The following CDC27 variants were observed in gnomAD, a reference collection of about 807,000 sequenced individuals.
The protein encoded by CDC27 is cell division cycle 27.
CDC27 carries 27 observed loss-of-function variants against 109.7 expected under a neutral mutation model. The ratio of observed to expected loss-of-function variants is 0.25; its 90% CI spans 0.18 to 0.34. The LOEUF (loss-of-function observed/expected upper bound fraction) is 0.34, where lower values mean the gene tolerates loss of function less well. CDC27 is among the 10% of genes least tolerant of loss of function. The probability of loss-of-function intolerance (pLI) is 1.00; values close to 1 mark genes in which losing one functional copy is unlikely to be tolerated. For synonymous variants in CDC27, 266 were observed against 333.9 expected (o/e 0.80, Z 2.22); for missense variants, 579 against 960.2 (o/e 0.60, Z 5.25).
chr17:47,134,322 T>A (rs954037924), intron 14 of CDC27, among the ~76,000 whole-genome samples: 7 of 144,700 alleles, frequency 4.8e-5, no homozygotes, highest in South Asian at 2.2e-4. Context: ...TTTTTTTTTT[T>A]AATTCAACGT....
At chr17:47,185,933 G>A (rs909947834) in intron 1 of CDC27, among the ~76,000 whole-genome samples, 1 of 152,130 alleles carries the variant, frequency 6.6e-6, no homozygotes, top group Non-Finnish European at 1.5e-5. Context: ...GGTATTTTTG[G>A]TTGTCACAAA....
At chr17:47,133,026 T>TATATATATAC (rs1555783848) in intron 14 of CDC27, among the ~76,000 whole-genome samples, 2 of 32,352 alleles carry the variant, frequency 6.2e-5, no homozygotes, top group Non-Finnish European at 1.2e-4. Flanking sequence ...TATATATATA[T>TATATATATAC]ATACACACAC....
At chr17:47,128,918 CCTG>C (rs1316935699) in intron 16 of CDC27, among the ~76,000 whole-genome samples, 1 of 152,024 alleles carries the variant, frequency 6.6e-6, no homozygotes, top group Non-Finnish European at 1.5e-5. Flanking sequence ...CTTACAGGCA[CCTG>C]CCACCATGCC....
At chr17:47,175,456 G>C (rs897627155) in intron 2 of CDC27, among the ~76,000 whole-genome samples, 1 of 152,134 alleles carries the variant, frequency 6.6e-6, no homozygotes, top group Admixed American at 6.5e-5. Context: ...CATGAACTCT[G>C]ATGTTGTGTG....
At chr17:47,185,740 TA>T (rs1416152509) in intron 1 of CDC27, among the ~76,000 whole-genome samples, 5 of 152,088 alleles carry the variant, frequency 3.3e-5, no homozygotes, top group Non-Finnish European at 5.9e-5. Flanking sequence ...AAATGGATAA[TA>T]AAGGCTTCAG....
intron 2 of CDC27, among the ~76,000 whole-genome samples, chr17:47,179,278 A>C (rs1374958768): frequency 6.6e-6 from 1 of 152,200 alleles, no homozygotes; most frequent in Non-Finnish European, 1.5e-5. Flanking sequence ...GCTACTAGTG[A>C]CATAGGAGGC....
intron 14 of CDC27, among the ~76,000 whole-genome samples, chr17:47,133,078 CACACACAA>C (rs1166965181): frequency 4.0e-5 from 3 of 74,104 alleles, no homozygotes; most frequent in South Asian, 4.7e-4. Flanking sequence ...CACACACACA[CACACACAA>C]ACACACACAC....
chr17:47,142,985 T>G (rs975858220), intron 10 of CDC27, among the ~76,000 whole-genome samples: 2 of 151,862 alleles, frequency 1.3e-5, no homozygotes, highest in African/African-American at 4.8e-5. Flanking sequence ...CTTTGTTTTG[T>G]TTTTGGGACA....
chr17:47,164,408 T>G (rs185350357), intron 4 of CDC27, among the ~76,000 whole-genome samples: 1 of 152,342 alleles, frequency 6.6e-6, no homozygotes, highest in African/African-American at 2.4e-5. Context: ...TAGACTTACA[T>G]AGAACTTGCA....
intron 15 of CDC27, 36 bp downstream of exon 15, chr17:47,132,221 G>C: frequency 1.1e-6 from 1 of 929,080 alleles, no homozygotes; most frequent in Non-Finnish European, 1.7e-6. Flanking sequence ...TCAAAAGGGA[G>C]ATTAATAGAG....
chr17:47,127,830 G>A (rs2062194035), intron 16 of CDC27, among the ~76,000 whole-genome samples: 1 of 151,710 alleles, frequency 6.6e-6, no homozygotes, highest in Non-Finnish European at 1.5e-5. Flanking sequence ...AGCTTCCTGA[G>A]TAGCTGAGAG....
At chr17:47,171,872 C>T in intron 3 of CDC27, 45 bp downstream of exon 3, 2 of 1,348,862 alleles carry the variant, frequency 1.5e-6, no homozygotes, top group South Asian at 1.4e-5. Context: ...CAAAATTCAA[C>T]AGTGTAAGTA....
At chr17:47,164,204 A>G (rs1431867320) in intron 4 of CDC27, among the ~76,000 whole-genome samples, 2 of 152,206 alleles carry the variant, frequency 1.3e-5, no homozygotes, top group Non-Finnish European at 2.9e-5. Context: ...GCAATAGGTT[A>G]TACAATATAG....
At chr17:47,156,679 C>T (rs1215179314) in intron 7 of CDC27, 1 of 296,948 alleles carries the variant, frequency 3.4e-6, no homozygotes, top group Non-Finnish European at 6.2e-6. Flanking sequence ...AACTCCTGAC[C>T]TCAGGTGATC....
At chr17:47,145,833 G>A (rs2062942387) in intron 9 of CDC27, among the ~76,000 whole-genome samples, 1 of 151,940 alleles carries the variant, frequency 6.6e-6, no homozygotes, top group Admixed American at 6.6e-5. Context: ...GGAGGTGGAG[G>A]TTGCAGTGAG....
chr17:47,134,103 T>C (rs1486091943), intron 14 of CDC27, among the ~76,000 whole-genome samples: 1 of 152,002 alleles, frequency 6.6e-6, no homozygotes, highest in Non-Finnish European at 1.5e-5. Flanking sequence ...CTCACTATGT[T>C]GACCAAGCTG....
Position 47,134,623 on chromosome 17 carries a change from G to C in CDC27, c.1914-2249C>G, listed in dbSNP as rs148470613. Among the ~76,000 whole-genome samples the C allele has an allele frequency of 2.5e-3, 375 of 151,950 alleles. 3 individuals are homozygous for C. Among genetic ancestry groups the C allele is most frequent in the Admixed American group, 9.4e-3 (143 of 15,238 alleles). Reference sequence around the variant, plus strand: ...CCCAAGCAGCTGGGACTACAGGCACGCATCACCACACCCAGCTAATTTTTG... The same window carrying C: ...CCCAAGCAGCTGGGACTACAGGCACCCATCACCACACCCAGCTAATTTTTG... On this transcript the variant is annotated intron_variant, in intron 14 of 18. Coordinates refer to ENST00000066544, the MANE Select transcript of CDC27 (RefSeq NM_001256.6).
intron 2 of CDC27, among the ~76,000 whole-genome samples, chr17:47,175,180 C>A (rs1357903939): frequency 2.0e-5 from 3 of 151,992 alleles, no homozygotes; most frequent in African/African-American, 7.3e-5. Flanking sequence ...GAGTGTAAGT[C>A]CAAAATAATT....
chr17:47,158,485 T>C (rs1048007182), intron 4 of CDC27, among the ~76,000 whole-genome samples, 182 bp from the exon 5 acceptor site: 1 of 152,158 alleles, frequency 6.6e-6, no homozygotes, highest in Non-Finnish European at 1.5e-5. Context: ...GCACAGAACA[T>C]GAATCAAAAG....
Sources: gnomAD v4.1 joint callset for allele counts (sites outside exome capture counted in the v4.1 genomes callset) on GRCh38, gnomAD v4.1.1 for gene constraint, MANE v1.5 for transcripts, NCBI Gene and HGNC (gene_info 2026-07-23, HGNC 2026-07-21) for gene names.